The following SCGB2B2 variants were observed in gnomAD, a reference collection of about 807,000 sequenced individuals.
SCGB2B2 encodes secretoglobin family 2B member 2.
Under a neutral mutation model 7.6 loss-of-function variants are expected in SCGB2B2, and 11 were observed. The observed-to-expected ratio is 1.45, with a 90% CI of 0.91 to 2.40. SCGB2B2 has a LOEUF of 2.40. Among genes scored for constraint, SCGB2B2 ranks in the 30% most tolerant of loss-of-function variants. SCGB2B2 has a pLI of 0.00. For missense variants in SCGB2B2, 104 were observed against 115.4 expected (o/e 0.90, Z 0.45); for synonymous variants, 50 against 48.6 (o/e 1.03, Z -0.12).
intron 1 of SCGB2B2, among the ~76,000 whole-genome samples, chr19:34,670,714 A>C (rs2067780845): frequency 6.6e-6 from 1 of 152,228 alleles, no homozygotes; most frequent in Non-Finnish European, 1.5e-5. Flanking sequence ...CATGTCGCAT[A>C]GCAGAAATGT....
chr19:34,614,919 G>A (rs150681982), intron 1 of SCGB2B2, among the ~76,000 whole-genome samples: 423 of 152,364 alleles, frequency 2.8e-3, no homozygotes, highest in African/African-American at 9.5e-3. Context: ...CTAGACTGCA[G>A]ATGTTTGTGA....
At chr19:34,596,658 GA>G (rs1306504964) in intron 1 of SCGB2B2, 64 bp from the exon 2 acceptor site, 7 of 152,402 alleles carry the variant, frequency 4.6e-5, no homozygotes, top group Admixed American at 4.6e-4. Context: ...AGGGACAGGG[GA>G]TGTTTCCTCA....
At chr19:34,675,010 T>A (rs772141774) in intron 1 of SCGB2B2, among the ~76,000 whole-genome samples, 31 of 152,318 alleles carry the variant, frequency 2.0e-4, no homozygotes, top group Middle Eastern at 6.8e-3. Flanking sequence ...CCAAAAGACC[T>A]GCAATTCTCA....
rs2066333876 is a variant in SCGB2B2 at position 34,625,104 on chromosome 19, G to T, written c.-2031-28510C>A. 2.6e-5 allele frequency among the ~76,000 whole-genome samples: 4 copies of T among 152,170 alleles called. 1 individual carries two copies. In the South Asian group the frequency reaches 8.3e-4, roughly 31 times the overall value. On this transcript the variant is annotated intron_variant, in intron 1 of 3. Coordinates refer to ENST00000601241, the MANE Select transcript of SCGB2B2 (RefSeq NM_001025591.4). ...CTACTGAGTAACATTTCTGCAGTTTGCAGCAAAACCCTTAATATTATAAAA... is the reference window on the plus strand; with the variant it reads ...CTACTGAGTAACATTTCTGCAGTTTTCAGCAAAACCCTTAATATTATAAAA...
chr19:34,637,002 C>G (rs915186705), intron 1 of SCGB2B2, among the ~76,000 whole-genome samples: 1 of 152,040 alleles, frequency 6.6e-6, no homozygotes, highest in Non-Finnish European at 1.5e-5. Flanking sequence ...CATGACAGAC[C>G]CCAGGAAAGA....
chr19:34,655,251 G>C (rs1177846368), intron 1 of SCGB2B2, among the ~76,000 whole-genome samples: 1 of 151,090 alleles, frequency 6.6e-6, no homozygotes, highest in Non-Finnish European at 1.5e-5. Flanking sequence ...TGGAATTCAG[G>C]AAAAGCTGAC....
chr19:34,673,343 T>C (rs17258149), intron 1 of SCGB2B2, among the ~76,000 whole-genome samples: 3,426 of 152,334 alleles, frequency 0.022, 41 homozygotes, highest in Non-Finnish European at 0.035. Flanking sequence ...TTCCTCAGTC[T>C]CTATTCCAGT....
downstream of SCGB2B2, among the ~76,000 whole-genome samples, chr19:34,588,666 C>G (rs533967946): frequency 2.0e-5 from 3 of 152,372 alleles, no homozygotes; most frequent in Admixed American, 6.5e-5. Flanking sequence ...CCCTCTCTCA[C>G]TAGACTTTCT....
intron 1 of SCGB2B2, among the ~76,000 whole-genome samples, chr19:34,674,281 T>C (rs916420798): frequency 2.6e-5 from 4 of 152,170 alleles, no homozygotes; most frequent in African/African-American, 4.8e-5. Flanking sequence ...CCTGGTCTTG[T>C]CTGAAAGGAA....
At chr19:34,615,516 G>A (rs2066049146) in intron 1 of SCGB2B2, among the ~76,000 whole-genome samples, 1 of 150,480 alleles carries the variant, frequency 6.6e-6, no homozygotes, top group South Asian at 2.1e-4. Flanking sequence ...CTTTTCTGAT[G>A]CATTCCTGTA....
intron 1 of SCGB2B2, chr19:34,631,905 AAG>A (rs1267757502): frequency 6.6e-6 from 1 of 152,212 alleles, no homozygotes; most frequent in South Asian, 2.1e-4. Context: ...TATGTTAAAT[AAG>A]ACTTTAAAAT....
At chr19:34,622,051 T>C (rs2066256324) in intron 1 of SCGB2B2, among the ~76,000 whole-genome samples, 1 of 152,140 alleles carries the variant, frequency 6.6e-6, no homozygotes, top group Non-Finnish European at 1.5e-5. Context: ...CCGCATTATG[T>C]GGGTTATATA....
Position 34,595,844 on chromosome 19 carries a change from G to A in SCGB2B2, c.-1281C>T, listed in dbSNP as rs2065435958. The A allele has an allele frequency of 6.6e-6, 1 of 152,376 alleles. No individual in the cohort carries two copies. The highest frequency in any genetic ancestry group is 1.5e-5 in the Non-Finnish European group (1 of 68,144). The allele number at this position is 152,376 out of a possible 1,614,324, so 9.4% of individuals were successfully genotyped here. On this transcript the variant is annotated 5_prime_UTR_variant, in exon 2 of 4. Transcript: ENST00000601241. ...CAGCTGGGGGTGGGGAAGGCAGCAG[G>A]GATGCTGACGCTTGTACACTCGGGT...
Position 34,596,142 on chromosome 19 carries a change from T to TA in SCGB2B2, c.-1580dup, listed in dbSNP as rs1311452131. On this transcript the variant is annotated 5_prime_UTR_variant, in exon 2 of 4. Transcript: ENST00000601241. ...GACCTACCCAGCATTGGGTAGGACT[T>TA]AGAGTGGCCGTCACCAGTGGCAGGG... The TA allele has an allele frequency of 3.3e-5, 5 of 152,254 alleles. No individual in the cohort carries two copies. The highest frequency in any genetic ancestry group is 1.5e-5 in the Non-Finnish European group (1 of 68,082). 9.4% of individuals were successfully genotyped at this position (152,254 alleles called of 1,614,324 possible).
chr19:34,629,217 G>T (rs150644567), intron 1 of SCGB2B2, among the ~76,000 whole-genome samples: 3 of 151,890 alleles, frequency 2.0e-5, no homozygotes, highest in African/African-American at 7.2e-5. Flanking sequence ...CACAAGGTAG[G>T]GATGCCCTCT....
chr19:34,619,299 G>A (rs1363309035), intron 1 of SCGB2B2, among the ~76,000 whole-genome samples: 4 of 152,114 alleles, frequency 2.6e-5, no homozygotes, highest in Non-Finnish European at 4.4e-5. Context: ...CGCATATATA[G>A]GCCAAATATC....
intron 1 of SCGB2B2, among the ~76,000 whole-genome samples, chr19:34,599,765 T>G (rs1484143991): frequency 6.6e-6 from 1 of 151,938 alleles, no homozygotes; most frequent in Admixed American, 6.6e-5. Flanking sequence ...CTCTTCCCCC[T>G]GTTCCTCAGT....
At chr19:34,664,431 C>T (rs914870492) in intron 1 of SCGB2B2, among the ~76,000 whole-genome samples, 2 of 152,160 alleles carry the variant, frequency 1.3e-5, no homozygotes, top group Non-Finnish European at 2.9e-5. Flanking sequence ...GACAGCAGCC[C>T]CAGCCCTGCC....
At chr19:34,622,917 G>C (rs975463163) in intron 1 of SCGB2B2, among the ~76,000 whole-genome samples, 1 of 46,544 alleles carries the variant, frequency 2.1e-5, no homozygotes, top group African/African-American at 9.5e-5. Flanking sequence ...TTTTCATCTA[G>C]GTTTTTTTTT....
Sources: gnomAD v4.1 joint callset for allele counts (sites outside exome capture counted in the v4.1 genomes callset) on GRCh38, gnomAD v4.1.1 for gene constraint, MANE v1.5 for transcripts, NCBI Gene and HGNC (gene_info 2026-07-23, HGNC 2026-07-21) for gene names.